C19orf44: variants seen among roughly 807,000 people sequenced by gnomAD.
The protein encoded by C19orf44 is chromosome 19 open reading frame 44.
C19orf44 carries 43 observed loss-of-function variants against 50.7 expected under a neutral mutation model. The ratio of observed to expected loss-of-function variants is 0.85; its 90% CI spans 0.66 to 1.09. The LOEUF is 1.09. C19orf44 is among the 50% of genes least tolerant of loss of function. C19orf44 has a pLI of 0.00. For synonymous variants in C19orf44, 298 were observed against 334.7 expected (o/e 0.89, Z 1.20); for missense variants, 722 against 836.2 (o/e 0.86, Z 1.68).
chr19:16,517,119 G>GACAGGACAGTGCACCC, intron 7 of C19orf44, 111 bp from the exon 8 acceptor site: 1 of 992,286 alleles, frequency 1.0e-6, no homozygotes, highest in East Asian at 2.6e-5. Context: ...TTCTGTCACT[G>GACAGGACAGTGCACCC]ACAGGAGCCT....
intron 1 of C19orf44, among the ~76,000 whole-genome samples, chr19:16,499,978 G>A (rs893784983): frequency 5.3e-5 from 8 of 151,964 alleles, no homozygotes; most frequent in South Asian, 2.1e-4. Flanking sequence ...TAGTAGAGAC[G>A]GGGTTTCACC....
intron 7 of C19orf44, among the ~76,000 whole-genome samples, chr19:16,515,395 C>T (rs1049739097): frequency 3.9e-5 from 6 of 152,048 alleles, no homozygotes; most frequent in African/African-American, 1.2e-4. Flanking sequence ...CCAAAAATTA[C>T]GTGGCTGTTT....
chr19:16,501,915 T>G (rs1311405009), intron 2 of C19orf44, among the ~76,000 whole-genome samples: 1 of 146,644 alleles, frequency 6.8e-6, no homozygotes, highest in African/African-American at 2.5e-5. Context: ...TTTTTGTATT[T>G]TTTTTTTTTT....
chr19:16,501,926 T>TG (rs1237646409), intron 2 of C19orf44, among the ~76,000 whole-genome samples: 1 of 150,266 alleles, frequency 6.7e-6, no homozygotes, highest in African/African-American at 2.5e-5. Flanking sequence ...TTTTTTTTTT[T>TG]GAGACCAAGT....
chr19:16,518,846 C>T, intron 8 of C19orf44: 1 of 366,374 alleles, frequency 2.7e-6, no homozygotes. Context: ...GCACATCCAT[C>T]CCTTCGTGGC....
In C19orf44 at chr19:16,514,435, G is replaced by A. The variant is rs550458906; in HGVS notation, c.1736-62G>A. The A allele has an allele frequency of 1.4e-5, 21 of 1,478,232 alleles. No individual in the cohort carries two copies. The African/African-American group carries it at 2.0e-4, about 14-fold the overall frequency. 91.6% of individuals were successfully genotyped at this position (1,478,232 alleles called of 1,614,324 possible). A position where few individuals can be genotyped will look rare whatever the true frequency, so the allele number is the denominator to read the frequency against. ...AGCAGCCTGGCACCTGAGCGGTGGG[G>A]GGGGGGCTGCAGAATTTGTGGGGCC... On this transcript the variant is annotated intron_variant, in intron 6 of 8. Transcript: ENST00000221671.
rs1474523962 is a variant in C19orf44, at chr19:16,519,447, G to A, written c.*41-647G>A. 3 of 1,393,746 alleles carry A rather than the reference G, an allele frequency of 2.2e-6. No homozygotes were observed. Among genetic ancestry groups the A allele is most frequent in the Non-Finnish European group, 3.0e-6 (3 of 1,010,056 alleles). 86.3% of individuals were successfully genotyped at this position (1,393,746 alleles called of 1,614,324 possible). On this transcript the variant is annotated intron_variant, in intron 8 of 8. Coordinates refer to ENST00000221671, the MANE Select transcript of C19orf44 (RefSeq NM_032207.4). The surrounding 1 kb of genome is among the most constrained non-coding windows in gnomAD (Gnocchi z 6.0). ...TGTCCAGACAGGCAGTGTAGACATG[G>A]GAAATGGGTAGAGAGAACCCGCAGG... is the stretch of plus-strand genomic sequence containing the variant.
At position 16,520,988 on chromosome 19, in the gene C19orf44, T is replaced by G. The variant is rs16981292; in HGVS notation, c.*935T>G. The stretch of plus-strand genomic sequence containing the variant: ...AAGTCGTGAAAAAGTCATCAGGAGT[T>G]AATCCACAGAACCTTGGAGAGTACA... On this transcript the variant is annotated 3_prime_UTR_variant, in exon 9 of 9. Coordinates refer to ENST00000221671, the MANE Select transcript of C19orf44 (RefSeq NM_032207.4). This position sits in a 1 kb window ranked among gnomAD's most constrained non-coding sequence, Gnocchi z 4.0. 7.9e-7 allele frequency: 1 copy of G among 1,260,500 alleles called. No individual in the cohort carries two copies. Among genetic ancestry groups the G allele is most frequent in the Non-Finnish European group, 1.2e-6 (1 of 864,288 alleles). The allele number at this position is 1,260,500 out of a possible 1,614,324, so 78.1% of individuals were successfully genotyped here.
rs759667542 is a variant in C19orf44, at chr19:16,513,125, G to A, written c.1735+16G>A. Reference sequence around the variant, plus strand: ...GCAATAGAAGGTAACAGCCCGGCTCGGGGGATCCTTCCTGTCACATTTTAC... The same window carrying A: ...GCAATAGAAGGTAACAGCCCGGCTCAGGGGATCCTTCCTGTCACATTTTAC... On this transcript the variant is annotated intron_variant, in intron 6 of 8. Transcript: ENST00000221671. The A allele has an allele frequency of 5.6e-6, 9 of 1,611,396 alleles. No homozygotes were observed. The highest frequency in any genetic ancestry group is 3.3e-5 in the Admixed American group (2 of 59,948).
At chr19:16,497,736 A>G (rs1257824980) in intron 1 of C19orf44, among the ~76,000 whole-genome samples, 1 of 152,156 alleles carries the variant, frequency 6.6e-6, no homozygotes, top group Non-Finnish European at 1.5e-5. Flanking sequence ...ACTGTATTAC[A>G]CTGTATGGAT....
intron 8 of C19orf44, among the ~76,000 whole-genome samples, 159 bp downstream of exon 8, chr19:16,517,500 G>A (rs1354161869): frequency 1.3e-5 from 2 of 152,192 alleles, no homozygotes; most frequent in Admixed American, 6.5e-5. Flanking sequence ...GGTGGGGCAG[G>A]TGGTGCTGCG....
intron 1 of C19orf44, among the ~76,000 whole-genome samples, chr19:16,500,124 T>C (rs10407034): frequency 0.35 from 52,842 of 151,890 alleles, 10,228 homozygotes; most frequent in African/African-American, 0.52. Context: ...AGATGGGGCT[T>C]TGCCATGTTG....
Position 16,514,666 on chromosome 19 carries a change from G to A in C19orf44, c.1902+3G>A, listed in dbSNP as rs369425139. On this transcript the variant is annotated splice_donor_region_variant and intron_variant, in intron 7 of 8. Transcript: ENST00000221671. ...ACACCCTGGAGGAAGCCAAAGAGGT[G>A]AGCGCAGCTCCCCATGGGCAGGGGC... is the stretch of plus-strand genomic sequence containing the variant. 6.1e-5 allele frequency: 96 copies of A among 1,563,088 alleles called. No individual in the cohort carries two copies. The African/African-American group carries it at 1.0e-3, about 17-fold the overall frequency.
At position 16,519,481 on chromosome 19, in the gene C19orf44, G is replaced by C; in HGVS notation, c.*41-613G>C. On this transcript the variant is annotated intron_variant, in intron 8 of 8. Transcript: ENST00000221671. This position sits in a 1 kb window ranked among gnomAD's most constrained non-coding sequence, Gnocchi z 6.0. ...TAGAGAGAACCCGCAGGCCGGCCCT[G>C]TCTAGAGGGTCTGGGTGGAGTCAGA... 2 of 1,251,888 alleles carry C rather than the reference G, an allele frequency of 1.6e-6. No individual in the cohort carries two copies. The highest frequency in any genetic ancestry group is 1.3e-5 in the South Asian group (1 of 76,114). 77.5% of individuals were successfully genotyped at this position (1,251,888 alleles called of 1,614,324 possible).
chr19:16,508,841 A>G (rs983274020), intron 4 of C19orf44, among the ~76,000 whole-genome samples: 3 of 149,776 alleles, frequency 2.0e-5, no homozygotes, highest in Non-Finnish European at 4.4e-5. Flanking sequence ...TTTTTTTGAG[A>G]CAGAGTTTTG....
chr19:16,510,995 C>T (rs1363697991), intron 5 of C19orf44, among the ~76,000 whole-genome samples: 1 of 151,800 alleles, frequency 6.6e-6, no homozygotes, highest in Admixed American at 6.6e-5. Flanking sequence ...CTTAGCCTCC[C>T]AAAGTGTTGG....
rs2085605286 is a variant in C19orf44, at chr19:16,520,724, CTG to C, written c.*676_*677del. The C allele has an allele frequency of 2.4e-6, 3 of 1,265,808 alleles. No individual in the cohort carries two copies. The highest frequency in any genetic ancestry group is 2.9e-5 in the African/African-American group (2 of 67,964). 78.4% of individuals were successfully genotyped at this position (1,265,808 alleles called of 1,614,324 possible). A position where few individuals can be genotyped will look rare whatever the true frequency, so the allele number is the denominator to read the frequency against. The stretch of plus-strand genomic sequence containing the variant: ...GAAAACACCGCCCCATAGGCACAGG[CTG>C]TGTGAGGGTGGACGTGATGAGTGTA... On this transcript the variant is annotated 3_prime_UTR_variant, in exon 9 of 9. Transcript: ENST00000221671. This position sits in a 1 kb window ranked among gnomAD's most constrained non-coding sequence, Gnocchi z 4.0.
chr19:16,506,868 GTCT>G, intron 4 of C19orf44, 94 bp downstream of exon 4: 1 of 887,728 alleles, frequency 1.1e-6, no homozygotes, highest in Non-Finnish European at 1.7e-6. Flanking sequence ...TTGAGGCAGG[GTCT>G]CACTATGTTG....
Position 16,520,761 on chromosome 19 carries a change from T to G in C19orf44, c.*708T>G, listed in dbSNP as rs540435876. On this transcript the variant is annotated 3_prime_UTR_variant, in exon 9 of 9. Coordinates refer to ENST00000221671, the MANE Select transcript of C19orf44 (RefSeq NM_032207.4). This position sits in a 1 kb window ranked among gnomAD's most constrained non-coding sequence, Gnocchi z 4.0. ...GGACGTGATGAGTGTATCTGGGGTC[T>G]GCTCCCACCCATCACAAGCTGTGGA... The G allele has an allele frequency of 4.1e-4, 607 of 1,477,772 alleles. 2 individuals are homozygous for G. The highest frequency in any genetic ancestry group is 5.8e-5 in the Non-Finnish European group (61 of 1,060,234). The allele number at this position is 1,477,772 out of a possible 1,614,324, so 91.5% of individuals were successfully genotyped here. A position where few individuals can be genotyped will look rare whatever the true frequency, so the allele number is the denominator to read the frequency against.
Sources: allele counts gnomAD v4.1 joint callset (sites outside exome capture counted in the v4.1 genomes callset), GRCh38; gene constraint gnomAD v4.1.1; non-coding constraint Gnocchi (gnomAD v3.1); transcripts MANE v1.5; gene names NCBI Gene and HGNC (gene_info 2026-07-23, HGNC 2026-07-21).